The following WWOX variants were observed in gnomAD, a reference collection of about 807,000 sequenced individuals.
The protein encoded by WWOX is WW domain containing oxidoreductase.
Under a neutral mutation model 46.2 loss-of-function variants are expected in WWOX, and 69 were observed. The observed-to-expected ratio is 1.49, with a 90% CI of 1.23 to 1.82. The LOEUF (loss-of-function observed/expected upper bound fraction) is 1.82. Among genes scored for constraint, WWOX ranks in the 40% most tolerant of loss-of-function variants. The pLI is 0.00. For synonymous variants in WWOX, 359 were observed against 202.6 expected, an observed-to-expected ratio of 1.77 and a Z score of -6.56; for missense variants, 919 against 542.6, an observed-to-expected ratio of 1.69 and a Z score of -6.89.
chr16:78,599,283 G>A (rs946973688), intron 8 of WWOX, among the ~76,000 whole-genome samples: 1 of 152,146 alleles, frequency 6.6e-6, no homozygotes, highest in South Asian at 2.1e-4. Flanking sequence ...GTGAACCTCC[G>A]GGATCTCTCA....
chr16:78,564,396 T>C (rs1182346895), intron 8 of WWOX, among the ~76,000 whole-genome samples: 1 of 152,200 alleles, frequency 6.6e-6, no homozygotes, highest in African/African-American at 2.4e-5. Context: ...GCTAGTGTTT[T>C]CTGTCTCAGG....
intron 8 of WWOX, among the ~76,000 whole-genome samples, chr16:78,862,759 T>C (rs2043918566): frequency 1.3e-5 from 2 of 152,078 alleles, no homozygotes; most frequent in African/African-American, 2.4e-5. Flanking sequence ...TTTTATTTTA[T>C]TCAGGCCTTC....
chr16:78,450,495 A>G (rs1177793838), intron 8 of WWOX, among the ~76,000 whole-genome samples: 3 of 152,334 alleles, frequency 2.0e-5, no homozygotes, highest in Non-Finnish European at 2.9e-5. Context: ...GAAAAGTTAT[A>G]AAAAGTATAT....
At chr16:78,808,534 T>G (rs1312626068) in intron 8 of WWOX, among the ~76,000 whole-genome samples, 1 of 152,190 alleles carries the variant, frequency 6.6e-6, no homozygotes, top group African/African-American at 2.4e-5. Context: ...GAATTTCCGA[T>G]GTCATAGAAG....
At chr16:78,790,777 T>C (rs559560468) in intron 8 of WWOX, among the ~76,000 whole-genome samples, 9 of 152,096 alleles carry the variant, frequency 5.9e-5, no homozygotes, top group African/African-American at 2.2e-4. Flanking sequence ...CCTAGCACTT[T>C]GGGAGGCAGA....
At chr16:78,824,342 C>T (rs1032374298) in intron 8 of WWOX, among the ~76,000 whole-genome samples, 3 of 152,126 alleles carry the variant, frequency 2.0e-5, no homozygotes, top group African/African-American at 4.8e-5. Flanking sequence ...TTACTGTATT[C>T]AGTCCAAGCT....
At chr16:78,119,951 CAT>C (rs796382520) in intron 4 of WWOX, among the ~76,000 whole-genome samples, 27 of 152,250 alleles carry the variant, frequency 1.8e-4, no homozygotes, top group African/African-American at 6.3e-4. Flanking sequence ...TGGGCTGCAT[CAT>C]GTGTGTTGTA....
At chr16:78,906,048 T>C (rs1484109687) in intron 8 of WWOX, among the ~76,000 whole-genome samples, 3 of 152,226 alleles carry the variant, frequency 2.0e-5, no homozygotes, top group African/African-American at 4.8e-5. Flanking sequence ...AATGAATGAA[T>C]GAATAACATA....
intron 8 of WWOX, among the ~76,000 whole-genome samples, chr16:78,694,114 C>T (rs573709328): frequency 3.3e-4 from 50 of 152,164 alleles, no homozygotes; most frequent in Middle Eastern, 6.8e-3. Flanking sequence ...TGCATATAAT[C>T]CCAGCTACTC....
In WWOX at chr16:78,751,693, C is replaced by T. The variant is rs373310338; in HGVS notation, c.1056+318941C>T. Among the ~76,000 whole-genome samples, 153 of 149,306 alleles carry T rather than the reference C, an allele frequency of 1.0e-3. 3 individuals carry two copies. The highest frequency in any genetic ancestry group is 3.7e-3 in the African/African-American group (150 of 40,442). On this transcript the variant is annotated intron_variant, in intron 8 of 8. Coordinates refer to ENST00000566780, the MANE Select transcript of WWOX (RefSeq NM_016373.4). ...GCCATTTCTGCAGAGTTAAAAAATA[C>T]GTAGGTTCAGTTCCTTACCAACACG...
intron 5 of WWOX, among the ~76,000 whole-genome samples, chr16:78,353,208 C>A (rs1213412742): frequency 6.6e-6 from 1 of 152,104 alleles, no homozygotes; most frequent in Non-Finnish European, 1.5e-5. Flanking sequence ...TGCTGCTTTG[C>A]AAAGAGGATT....
intron 5 of WWOX, among the ~76,000 whole-genome samples, chr16:78,345,468 A>AAAAAAAAAAAAAAAAC (rs2081078356): frequency 2.2e-5 from 1 of 44,684 alleles, no homozygotes; most frequent in Non-Finnish European, 4.5e-5. Flanking sequence ...CAAAAAAAAA[A>AAAAAAAAAAAAAAAAC]AAAAAAAAAA....
chr16:78,825,911 C>G (rs1316963975), intron 8 of WWOX: 2 of 715,638 alleles, frequency 2.8e-6, no homozygotes, highest in Non-Finnish European at 4.9e-6. Flanking sequence ...CATCATGGAA[C>G]CCAAAGATGA....
At chr16:78,660,603 A>C (rs1325658703) in intron 8 of WWOX, among the ~76,000 whole-genome samples, 1 of 152,104 alleles carries the variant, frequency 6.6e-6, no homozygotes, top group Non-Finnish European at 1.5e-5. Context: ...TTTGCTTGCC[A>C]CCAGCTCCCT....
intron 3 of WWOX, among the ~76,000 whole-genome samples, chr16:78,111,161 A>C (rs746353409): frequency 6.6e-6 from 1 of 152,178 alleles, no homozygotes; most frequent in East Asian, 1.9e-4. Flanking sequence ...TGCCTGTAAC[A>C]TAACATCTAC....
intron 8 of WWOX, among the ~76,000 whole-genome samples, chr16:78,712,808 A>C (rs147009681): frequency 1.9e-4 from 29 of 152,332 alleles, no homozygotes; most frequent in African/African-American, 5.1e-4. Context: ...CTGTTAGAGT[A>C]ATAGCGTAAA....
chr16:78,737,517 A>G (rs1306839214), intron 8 of WWOX, among the ~76,000 whole-genome samples: 2 of 151,988 alleles, frequency 1.3e-5, no homozygotes, highest in African/African-American at 4.8e-5. Flanking sequence ...GATTTCTGAG[A>G]TTTTGATGTA....
chr16:78,453,565 G>C lies in WWOX; in HGVS notation c.1056+20813G>C, dbSNP rs2083742444. 4.6e-5 allele frequency among the ~76,000 whole-genome samples: 7 copies of C among 152,288 alleles called. No individual in the cohort carries two copies. In the South Asian group the frequency reaches 1.4e-3, roughly 32 times the overall value. Reference sequence around the variant, plus strand: ...TTGTTCAAGTTATATTGTGCAGACAGGCATATGCAGTTAGAAAATCTGTCT... The same window carrying C: ...TTGTTCAAGTTATATTGTGCAGACACGCATATGCAGTTAGAAAATCTGTCT... On this transcript the variant is annotated intron_variant, in intron 8 of 8. Coordinates refer to ENST00000566780, the MANE Select transcript of WWOX (RefSeq NM_016373.4).
At chr16:78,773,474 G>A (rs951013125) in intron 8 of WWOX, among the ~76,000 whole-genome samples, 3 of 152,192 alleles carry the variant, frequency 2.0e-5, no homozygotes, top group Non-Finnish European at 4.4e-5. Flanking sequence ...CAATGAGGCG[G>A]GCAGCAGGGT....
Sources: gnomAD v4.1 joint callset for allele counts (sites outside exome capture counted in the v4.1 genomes callset) on GRCh38, gnomAD v4.1.1 for gene constraint, MANE v1.5 for transcripts, NCBI Gene and HGNC (gene_info 2026-07-23, HGNC 2026-07-21) for gene names.